The following GALNTL6 variants were observed in gnomAD, a reference collection of about 807,000 sequenced individuals.
GALNTL6 encodes the protein polypeptide N-acetylgalactosaminyltransferase like 6.
Under a neutral mutation model 73.7 loss-of-function variants are expected in GALNTL6, and 46 were observed. The observed-to-expected ratio is 0.62, with a 90% CI of 0.49 to 0.80. The LOEUF is 0.80. Among genes scored for constraint, GALNTL6 ranks in the 30% least tolerant of loss-of-function variants. The pLI, the probability that GALNTL6 is intolerant of heterozygous loss-of-function variation, is 0.00. For missense variants in GALNTL6, 604 were observed against 755.0 expected, an observed-to-expected ratio of 0.80 and a Z score of 2.34; for synonymous variants, 259 against 263.7, an observed-to-expected ratio of 0.98 and a Z score of 0.17.
At chr4:172,595,601 G>T (rs1302351045) in intron 5 of GALNTL6, among the ~76,000 whole-genome samples, 1 of 152,182 alleles carries the variant, frequency 6.6e-6, no homozygotes, top group Non-Finnish European at 1.5e-5. Context: ...ATATCTTAGG[G>T]TTAATAGAAT....
At chr4:172,286,083 A>G (rs2111089177) in intron 3 of GALNTL6, among the ~76,000 whole-genome samples, 1 of 152,296 alleles carries the variant, frequency 6.6e-6, no homozygotes, top group South Asian at 2.1e-4. Context: ...CTTTTTTACT[A>G]TATCATTTTG....
intron 8 of GALNTL6, among the ~76,000 whole-genome samples, chr4:172,908,487 AG>A (rs917063653): frequency 6.6e-6 from 1 of 151,976 alleles, no homozygotes; most frequent in Non-Finnish European, 1.5e-5. Flanking sequence ...ATTAGAAAGC[AG>A]GGGGGAAATT....
intron 4 of GALNTL6, among the ~76,000 whole-genome samples, chr4:172,329,892 G>A (rs949735608): frequency 6.6e-6 from 1 of 151,922 alleles, no homozygotes; most frequent in African/African-American, 2.4e-5. Context: ...GCGAGGTCAG[G>A]GATCCCAGTC....
At chr4:172,442,691 T>A (rs573506607) in intron 5 of GALNTL6, among the ~76,000 whole-genome samples, 1 of 152,282 alleles carries the variant, frequency 6.6e-6, no homozygotes, top group African/African-American at 2.4e-5. Context: ...AATGAGTCCA[T>A]CCATTCAGTT....
At chr4:171,993,615 G>A (rs1740403358) in intron 2 of GALNTL6, among the ~76,000 whole-genome samples, 1 of 152,060 alleles carries the variant, frequency 6.6e-6, no homozygotes, top group African/African-American at 2.4e-5. Flanking sequence ...ATAAAACAAT[G>A]TACTTAGAGT....
chr4:172,199,386 A>G (rs1048988178), intron 2 of GALNTL6, among the ~76,000 whole-genome samples: 2 of 152,252 alleles, frequency 1.3e-5, no homozygotes, highest in Admixed American at 1.3e-4. Context: ...AATATATAAC[A>G]TGATATTTTT....
chr4:172,698,123 C>G (rs746768713), intron 5 of GALNTL6, among the ~76,000 whole-genome samples: 4 of 152,024 alleles, frequency 2.6e-5, no homozygotes, highest in Admixed American at 2.0e-4. Flanking sequence ...CAAATAAAAA[C>G]TTAGCATTGT....
At chr4:172,854,696 TCTTCTATGAAAATGTTCCTGAC>T (rs1744032789) in intron 7 of GALNTL6, among the ~76,000 whole-genome samples, 1 of 152,204 alleles carries the variant, frequency 6.6e-6, no homozygotes, top group South Asian at 2.1e-4. Context: ...AATTTCTCCT[TCTTCTATGAAAATGTTCCTGAC>T]CTTCTAGTTG....
At chr4:172,320,869 C>T (rs1025729451) in intron 4 of GALNTL6, among the ~76,000 whole-genome samples, 4 of 152,178 alleles carry the variant, frequency 2.6e-5, no homozygotes, top group South Asian at 2.1e-4. Flanking sequence ...TGAGGAGCAA[C>T]GCTGGAGACT....
chr4:172,906,627 G>T (rs1472614306), intron 8 of GALNTL6, among the ~76,000 whole-genome samples: 1 of 152,206 alleles, frequency 6.6e-6, no homozygotes, highest in Non-Finnish European at 1.5e-5. Context: ...GGCTCTGGTT[G>T]TTGGCAGAAT....
intron 2 of GALNTL6, among the ~76,000 whole-genome samples, chr4:171,824,898 A>G (rs1216249496): frequency 1.3e-5 from 2 of 152,138 alleles, no homozygotes; most frequent in East Asian, 1.9e-4. Context: ...AAGTTTTTGT[A>G]ACTTGAACCA....
At chr4:172,385,028 GTT>G (rs35364844) in intron 5 of GALNTL6, among the ~76,000 whole-genome samples, 47 of 128,876 alleles carry the variant, frequency 3.6e-4, no homozygotes, top group African/African-American at 7.1e-4. Flanking sequence ...TTGTTTTTTT[GTT>G]TTTTTTTTTT....
chr4:172,391,910 A>G (rs1743675417), intron 5 of GALNTL6, among the ~76,000 whole-genome samples: 1 of 152,182 alleles, frequency 6.6e-6, no homozygotes, highest in South Asian at 2.1e-4. Flanking sequence ...CTGATTTCCA[A>G]TATCGATTGA....
intron 3 of GALNTL6, among the ~76,000 whole-genome samples, chr4:172,297,851 A>G (rs1009202021): frequency 2.0e-5 from 3 of 151,914 alleles, no homozygotes; most frequent in African/African-American, 4.8e-5. Context: ...TTTTGGTTCC[A>G]TATGAATTTT....
intron 2 of GALNTL6, among the ~76,000 whole-genome samples, chr4:172,225,482 C>T (rs1392109387): frequency 6.6e-6 from 1 of 151,392 alleles, no homozygotes; most frequent in East Asian, 1.9e-4. Flanking sequence ...AGGTTCCCAA[C>T]CCATAATAAG....
At chr4:172,906,466 G>C (rs1746900267) in intron 8 of GALNTL6, among the ~76,000 whole-genome samples, 1 of 152,152 alleles carries the variant, frequency 6.6e-6, no homozygotes, top group African/African-American at 2.4e-5. Flanking sequence ...CACAAACTTA[G>C]TGGCTTCAAA....
intron 5 of GALNTL6, among the ~76,000 whole-genome samples, chr4:172,595,509 T>C (rs1321557037): frequency 6.6e-6 from 1 of 152,172 alleles, no homozygotes; most frequent in Non-Finnish European, 1.5e-5. Flanking sequence ...TCCACCCATA[T>C]ATTCCTCTAA....
At chr4:172,706,200 G>C (rs1734342277) in intron 5 of GALNTL6, among the ~76,000 whole-genome samples, 1 of 151,642 alleles carries the variant, frequency 6.6e-6, no homozygotes, top group African/African-American at 2.4e-5. Context: ...CTATTTTCCA[G>C]ATCACTGGTT....
intron 5 of GALNTL6, among the ~76,000 whole-genome samples, chr4:172,390,604 T>G (rs1419344125): frequency 6.6e-6 from 1 of 152,156 alleles, no homozygotes; most frequent in Non-Finnish European, 1.5e-5. Flanking sequence ...AGTTATCAGA[T>G]AGAAAAGCAT....
Sources: allele counts gnomAD v4.1 joint callset (sites outside exome capture counted in the v4.1 genomes callset), GRCh38; gene constraint gnomAD v4.1.1; transcripts MANE v1.5; gene names NCBI Gene and HGNC (gene_info 2026-07-23, HGNC 2026-07-21).